The following TSC22D2 variants were observed in gnomAD, a reference collection of about 807,000 sequenced individuals.
TSC22D2 encodes TSC22 domain family member 2.
In TSC22D2, 5 loss-of-function variants were observed where a neutral mutation model predicts 50.1. The ratio of observed to expected loss-of-function variants is 0.10; its 90% CI spans 0.05 to 0.21. The LOEUF is 0.21. Ranked by LOEUF, TSC22D2 falls within the 10% of genes least tolerant of loss-of-function variation. TSC22D2 has a pLI of 1.00. For synonymous variants in TSC22D2, 501 were observed against 450.1 expected, an observed-to-expected ratio of 1.11 and a Z score of -1.43; for missense variants, 1,003 against 1,015.5, an observed-to-expected ratio of 0.99 and a Z score of 0.17.
chr3:150,448,071 A>G (rs73007790), intron 1 of TSC22D2, among the ~76,000 whole-genome samples: 8,892 of 152,236 alleles, frequency 0.058, 378 homozygotes, highest in African/African-American at 0.11. Context: ...CACCCTCCTC[A>G]TACCCCTTTC....
chr3:150,415,254 A>G (rs76866581), intron 1 of TSC22D2, among the ~76,000 whole-genome samples: 4,380 of 152,292 alleles, frequency 0.029, 221 homozygotes, highest in African/African-American at 0.1. Flanking sequence ...ATTCACAGTG[A>G]CACATACTGT....
At position 150,410,726 on chromosome 3, in the gene TSC22D2, C is replaced by A; in HGVS notation, c.1376C>A (p.Pro459Gln). ...CCTTGTCAGCCGACTGGAGTGCCCCCGGCTACTGTGGGAGGCGTGGTGCAG... is the reference window on the plus strand; with the variant it reads ...CCTTGTCAGCCGACTGGAGTGCCCCAGGCTACTGTGGGAGGCGTGGTGCAG... ...VAPCQPTGVP[P>Q]ATVGGVVQPC... The change falls in exon 1 of 3, where the codon CCG (proline) becomes CAG (glutamine). Residue 459 changes from proline to glutamine, a missense_variant. Pro to Gln is a moderately conservative substitution (Grantham distance 76). Transcript: ENST00000688009. The A allele has an allele frequency of 6.3e-7, 1 of 1,594,526 alleles. No individual in the cohort carries two copies. Among genetic ancestry groups the A allele is most frequent in the Non-Finnish European group, 8.5e-7 (1 of 1,171,314 alleles).
At chr3:150,455,179 A>G (rs1721149404) in intron 1 of TSC22D2, among the ~76,000 whole-genome samples, 1 of 152,214 alleles carries the variant, frequency 6.6e-6, no homozygotes, top group South Asian at 2.1e-4. Flanking sequence ...AAGCAAACTA[A>G]TTTAAATGCC....
chr3:150,421,570 A>G (rs1217047813), intron 1 of TSC22D2, among the ~76,000 whole-genome samples: 2 of 152,186 alleles, frequency 1.3e-5, no homozygotes, highest in African/African-American at 4.8e-5. Context: ...AAGTGGAAAA[A>G]GGATTAAAAG....
chr3:150,449,787 A>C (rs942717812), intron 1 of TSC22D2, among the ~76,000 whole-genome samples: 3 of 152,062 alleles, frequency 2.0e-5, no homozygotes, highest in African/African-American at 7.2e-5. Flanking sequence ...GAGAGGAGAG[A>C]AAAGGAGAGA....
At chr3:150,437,288 C>T (rs1252522944) in intron 1 of TSC22D2, among the ~76,000 whole-genome samples, 1 of 152,044 alleles carries the variant, frequency 6.6e-6, no homozygotes, top group African/African-American at 2.4e-5. Flanking sequence ...TTCTTCCGTG[C>T]CCATATACAG....
chr3:150,446,076 A>G (rs1720876361), intron 1 of TSC22D2, among the ~76,000 whole-genome samples: 1 of 143,262 alleles, frequency 7.0e-6, no homozygotes, highest in African/African-American at 2.6e-5. Context: ...CCTGGGCAAC[A>G]GATCGAGACT....
At chr3:150,440,199 G>A (rs1373106740) in intron 1 of TSC22D2, among the ~76,000 whole-genome samples, 1 of 152,122 alleles carries the variant, frequency 6.6e-6, no homozygotes, top group Non-Finnish European at 1.5e-5. Context: ...GTATCAGTAT[G>A]CTGGTATCCT....
At chr3:150,413,232 T>G (rs573991932) in intron 1 of TSC22D2, among the ~76,000 whole-genome samples, 3 of 152,370 alleles carry the variant, frequency 2.0e-5, no homozygotes, top group Non-Finnish European at 4.4e-5. Context: ...CTGAAAACTC[T>G]GATTTCCAAA....
Position 150,436,034 on chromosome 3 carries a change from T to G in TSC22D2, c.1959-21042T>G, listed in dbSNP as rs569819338. On this transcript the variant is annotated intron_variant, in intron 1 of 2. Coordinates refer to ENST00000688009, the MANE Select transcript of TSC22D2 (RefSeq NM_001303264.2). ...ACTACTTTAGTTACCCAATTTCATT[T>G]CAGGTTGTTAATAAGGATGTCCTAC... is the stretch of plus-strand genomic sequence containing the variant. Among the ~76,000 whole-genome samples the G allele has an allele frequency of 1.3e-4, 20 of 152,290 alleles. No individual in the cohort carries two copies. In the South Asian group the frequency reaches 3.9e-3, roughly 30 times the overall value.
In TSC22D2 at chr3:150,409,118, G is replaced by T; in HGVS notation, c.-233G>T. ...CTAAAAAGGAAGGAGGAGCCGCCGC[G>T]GGACTGAGACGGGGGCAGAGCCGAA... is the stretch of plus-strand genomic sequence containing the variant. On this transcript the variant is annotated 5_prime_UTR_variant, in exon 1 of 3. Transcript: ENST00000688009. The surrounding 1 kb of genome is among the most constrained non-coding windows in gnomAD (Gnocchi z 7.4). The T allele has an allele frequency of 2.3e-6, 1 of 426,012 alleles. No individual in the cohort carries two copies. Among genetic ancestry groups the T allele is most frequent in the Non-Finnish European group, 4.2e-6 (1 of 238,820 alleles). The allele number at this position is 426,012 out of a possible 1,614,324, so 26.4% of individuals were successfully genotyped here.
intron 1 of TSC22D2, among the ~76,000 whole-genome samples, chr3:150,418,959 C>A (rs1315686854): frequency 2.0e-5 from 3 of 151,944 alleles, no homozygotes; most frequent in African/African-American, 7.2e-5. Context: ...TATTTTGGTA[C>A]CCCTGGCTCT....
At chr3:150,418,546 T>G (rs933016164) in intron 1 of TSC22D2, among the ~76,000 whole-genome samples, 2 of 151,936 alleles carry the variant, frequency 1.3e-5, no homozygotes, top group Non-Finnish European at 2.9e-5. Context: ...GTACATTCTT[T>G]TGAGGCTAAC....
At chr3:150,442,634 T>C (rs755069803) in intron 1 of TSC22D2, among the ~76,000 whole-genome samples, 2 of 152,222 alleles carry the variant, frequency 1.3e-5, no homozygotes, top group African/African-American at 4.8e-5. Context: ...GGTCCTATTA[T>C]TGTCCTTTGG....
Position 150,459,295 on chromosome 3 carries a change from T to C in TSC22D2, c.*659T>C, listed in dbSNP as rs1238951145. The stretch of plus-strand genomic sequence containing the variant: ...TTATTTTCAGTAGTAAAGACCCAGC[T>C]TGAATGTAAATTTTGTATAGTGTAA... On this transcript the variant is annotated 3_prime_UTR_variant, in exon 3 of 3. Transcript: ENST00000688009. The C allele has an allele frequency of 6.6e-6, 1 of 152,656 alleles. No individual in the cohort carries two copies. Among genetic ancestry groups the C allele is most frequent in the Non-Finnish European group, 1.5e-5 (1 of 68,044 alleles). The allele number at this position is 152,656 out of a possible 1,614,324, so 9.5% of individuals were successfully genotyped here.
At chr3:150,439,072 T>C (rs559793457) in intron 1 of TSC22D2, among the ~76,000 whole-genome samples, 70 of 152,286 alleles carry the variant, frequency 4.6e-4, no homozygotes, top group African/African-American at 1.7e-3. Context: ...TTATATCTTT[T>C]AATCTCAAGA....
At chr3:150,456,253 T>C (rs997162282) in intron 1 of TSC22D2, among the ~76,000 whole-genome samples, 1 of 151,714 alleles carries the variant, frequency 6.6e-6, no homozygotes, top group South Asian at 2.1e-4. Flanking sequence ...AATGGCGTGA[T>C]CTCGGCTCAC....
At chr3:150,429,448 G>A (rs1255117774) in intron 1 of TSC22D2, among the ~76,000 whole-genome samples, 1 of 152,106 alleles carries the variant, frequency 6.6e-6, no homozygotes, top group Non-Finnish European at 1.5e-5. Context: ...AGAAATCATG[G>A]ACTATATATA....
At chr3:150,423,191 T>C in intron 1 of TSC22D2, 1 of 1,160,242 alleles carries the variant, frequency 8.6e-7, no homozygotes. Context: ...CTGTACTGGT[T>C]TCTCATTAAA....
Sources: gnomAD v4.1 joint callset for allele counts (sites outside exome capture counted in the v4.1 genomes callset) on GRCh38, gnomAD v4.1.1 for gene constraint, Gnocchi (gnomAD v3.1) non-coding constraint, MANE v1.5 for transcripts, NCBI Gene and HGNC (gene_info 2026-07-23, HGNC 2026-07-21) for gene names.